NISCH: variants seen among roughly 807,000 people sequenced by gnomAD.
NISCH encodes nischarin, also known as I-1 receptor candidate protein.
In NISCH, 55 loss-of-function variants were observed where a neutral mutation model predicts 138.4. The ratio of observed to expected loss-of-function variants is 0.40; its 90% CI spans 0.32 to 0.50. The LOEUF (loss-of-function observed/expected upper bound fraction) is 0.50. Among genes scored for constraint, NISCH ranks in the 20% least tolerant of loss-of-function variants. NISCH has a pLI of 0.71. For missense variants in NISCH, 1,643 were observed against 2,005.5 expected (o/e 0.82, Z 3.45); for synonymous variants, 860 against 861.5 (o/e 1.00, Z 0.03).
At chr3:52,470,417 T>C (rs1193141001) in intron 3 of NISCH, 2 of 164,298 alleles carry the variant, frequency 1.2e-5, no homozygotes, top group African/African-American at 4.8e-5. Flanking sequence ...CAGGGAGGGT[T>C]AGCTCTGGGT....
chr3:52,461,996 C>T (rs1347184232), intron 3 of NISCH, among the ~76,000 whole-genome samples: 5 of 152,098 alleles, frequency 3.3e-5, no homozygotes, highest in Admixed American at 6.5e-5. Context: ...GAGGAGGTCT[C>T]GCTGGCTGCC....
At chr3:52,458,028 C>G in intron 2 of NISCH, 102 bp downstream of exon 2, 1 of 795,500 alleles carries the variant, frequency 1.3e-6, no homozygotes, top group Non-Finnish European at 2.2e-6. Context: ...CAGGTTCCAT[C>G]TCTATAGTTC....
chr3:52,477,042 G>GA (rs970753722), intron 8 of NISCH, among the ~76,000 whole-genome samples: 16 of 149,604 alleles, frequency 1.1e-4, no homozygotes, highest in South Asian at 2.1e-4. Context: ...CTCAAAAGAA[G>GA]AAAAAAAAAT....
chr3:52,469,541 G>A (rs1706881443), intron 3 of NISCH, among the ~76,000 whole-genome samples: 1 of 152,208 alleles, frequency 6.6e-6, no homozygotes, highest in African/African-American at 2.4e-5. Flanking sequence ...CCGAGGTGGG[G>A]GGATCTCTTG....
At position 52,492,063 on chromosome 3, in the gene NISCH, G is replaced by T. The variant is rs937754299; in HGVS notation, c.4096G>T (p.Gly1366Cys). Residue 1366 changes from glycine to cysteine, a missense_variant, in exon 21 of 21, where the codon GGC becomes TGC. Gly to Cys is a radical substitution (Grantham distance 159, BLOSUM62 -3). Transcript: ENST00000345716. The part of the protein sequence containing the change: ...VGMPPPGCCR[G>C]PLRPKTLLLT... The stretch of plus-strand genomic sequence containing the variant: ...CATGCCACCCCCTGGGTGCTGCAGG[G>T]GCCCCCTGCGCCCCAAGACACTCCT... The T allele has an allele frequency of 6.2e-7, 1 of 1,612,938 alleles. No individual in the cohort carries two copies. Among genetic ancestry groups the T allele is most frequent in the Non-Finnish European group, 8.5e-7 (1 of 1,179,978 alleles).
At chr3:52,486,965 GC>G (rs769636608) in intron 15 of NISCH, among the ~76,000 whole-genome samples, 11 of 152,228 alleles carry the variant, frequency 7.2e-5, no homozygotes, top group Non-Finnish European at 1.3e-4. Context: ...TATGGTCCAA[GC>G]CCCTAGAAGC....
In NISCH at chr3:52,489,605, G is replaced by C; in HGVS notation, c.3383G>C (p.Cys1128Ser). The C allele has an allele frequency of 6.2e-7, 1 of 1,613,116 alleles. No homozygotes were observed. Among genetic ancestry groups the C allele is most frequent in the South Asian group, 1.1e-5 (1 of 91,088 alleles). Residue 1128 changes from cysteine to serine, a missense_variant, in exon 17 of 21, where the codon TGC (cysteine) becomes TCC (serine). Physicochemically the swap from Cys to Ser is moderately radical, Grantham distance 112. Transcript: ENST00000345716. ...ENQIPSHLPACPSLRHVASLR... is the reference protein window; with the variant it reads ...ENQIPSHLPASPSLRHVASLR... Reference sequence around the variant, plus strand: ...CAGATCCCCTCGCACTTGCCTGCCTGCCCGTCGCTCCGGCACGTCGCCAGC... The same window carrying C: ...CAGATCCCCTCGCACTTGCCTGCCTCCCCGTCGCTCCGGCACGTCGCCAGC...
Position 52,488,417 on chromosome 3 carries a change from C to T in NISCH, c.2925C>T (p.Leu975=), listed in dbSNP as rs754771952. The change falls in exon 16 of 21, where the codon CTC becomes CTT. Residue 975 remains leucine (L), a synonymous_variant. Transcript: ENST00000345716. ...CTGATGGCCACGTGCTAGAGCTGCT[C>T]GTGGGGTACCGCTTTGTCACTGCCA... ...AFADGHVLEL[L]VGYRFVTAIF... is the part of the protein sequence containing the mutation. 1.4e-5 allele frequency: 23 copies of T among 1,613,692 alleles called. No individual in the cohort carries two copies. The highest frequency in any genetic ancestry group is 6.6e-5 in the South Asian group (6 of 91,086).
At position 52,479,742 on chromosome 3, in the gene NISCH, G is replaced by T. The variant is rs1276665420; in HGVS notation, c.1303-7G>T. 6.2e-7 allele frequency: 1 copy of T among 1,604,504 alleles called. No homozygotes were observed. Among genetic ancestry groups the T allele is most frequent in the East Asian group, 2.2e-5 (1 of 44,652 alleles). ...CCATGCTGATAGCCACTTTCTGGAT[G>T]CTCTAGGTCTGTCTGGATGACACAG... On this transcript the variant is annotated splice_polypyrimidine_tract_variant and splice_region_variant and intron_variant, in intron 11 of 20. Transcript: ENST00000345716.
At chr3:52,478,060 C>T (rs1285659482) in intron 9 of NISCH, 37 bp from the exon 10 acceptor site, 2 of 1,607,788 alleles carry the variant, frequency 1.2e-6, no homozygotes, top group Non-Finnish European at 1.7e-6. Flanking sequence ...GGAGACTTGA[C>T]CTGAGCCACT....
Position 52,481,798 on chromosome 3 carries a change from G to A in NISCH, c.1528+1503G>A, listed in dbSNP as rs370159605. On this transcript the variant is annotated intron_variant, in intron 13 of 20. Transcript: ENST00000345716. ...GCTCAGCCCCCTCCTCACTCCCCTT[G>A]TGCCCTGGGGACACTCTGCAGAGGG... The A allele has an allele frequency of 3.7e-5, 36 of 985,508 alleles. No individual in the cohort carries two copies. The Middle Eastern group carries it at 4.2e-3, about 114-fold the overall frequency. 61.0% of individuals were successfully genotyped at this position (985,508 alleles called of 1,614,324 possible). A position where few individuals can be genotyped will look rare whatever the true frequency, so the allele number is the denominator to read the frequency against.
chr3:52,476,213 C>T (rs1359012169), intron 7 of NISCH: 2 of 515,928 alleles, frequency 3.9e-6, no homozygotes, highest in South Asian at 2.3e-5. Flanking sequence ...AAGCATTGCT[C>T]CTAAAGCAGG....
intron 19 of NISCH, 26 bp downstream of exon 19, chr3:52,490,859 T>G: frequency 1.9e-6 from 3 of 1,612,828 alleles, no homozygotes; most frequent in Non-Finnish European, 2.5e-6. Context: ...TGCTTTGTCC[T>G]ATTTCGGGTG....
intron 13 of NISCH, chr3:52,480,650 G>A: frequency 7.0e-7 from 1 of 1,424,054 alleles, no homozygotes. Context: ...GTTGGCTCCT[G>A]GTTACAGGAA....
At chr3:52,481,837 T>G in intron 13 of NISCH, 18 of 985,532 alleles carry the variant, frequency 1.8e-5, no homozygotes, top group Non-Finnish European at 2.2e-5. Flanking sequence ...CTCTGCAGTC[T>G]GTCCCCGCCA....
chr3:52,463,739 T>C (rs568159669), intron 3 of NISCH, among the ~76,000 whole-genome samples: 755 of 72,950 alleles, frequency 0.01, 3 homozygotes, highest in South Asian at 0.029. Context: ...TTTTTTTTTT[T>C]CTGAGACAGA....
rs199545023 is a variant in NISCH, at chr3:52,476,525, G to A, written c.844G>A (p.Val282Ile). The change falls in exon 8 of 21, where the codon GTC becomes ATC. Residue 282 changes from valine to isoleucine, a missense_variant. Val to Ile is a conservative substitution (Grantham distance 29). Transcript: ENST00000345716. The stretch of plus-strand genomic sequence containing the variant: ...AACCCTAGAAGGCCCTGTGACTGCC[G>A]TCATCCCCACTTGGCAGGCATTGAC... ...GTTLEGPVTAVIPTWQALTTL... is the reference protein window; with the variant it reads ...GTTLEGPVTAIIPTWQALTTL... 81 of 1,614,048 alleles carry A rather than the reference G, an allele frequency of 5.0e-5. No homozygotes were observed. The highest frequency in any genetic ancestry group is 2.3e-4 in the Admixed American group (14 of 60,010).
Position 52,490,783 on chromosome 3 carries a change from A to G in NISCH, c.3692A>G (p.Asp1231Gly). ...CAGTGCTTCGTGCTAAAGCTTAGTG[A>G]CCTGCAGTCAGTCAATGTGGGGCTT... ...ISQCFVLKLSDLQSVNVGLFD... is the reference protein window; with the variant it reads ...ISQCFVLKLSGLQSVNVGLFD... Residue 1231 changes from aspartate to glycine, a missense_variant, in exon 19 of 21, where the codon GAC becomes GGC. Physicochemically the swap from Asp to Gly is moderately conservative, Grantham distance 94. Coordinates refer to ENST00000345716, the MANE Select transcript of NISCH (RefSeq NM_007184.4). 6.2e-7 allele frequency: 1 copy of G among 1,614,188 alleles called. No homozygotes were observed. Among genetic ancestry groups the G allele is most frequent in the Non-Finnish European group, 8.5e-7 (1 of 1,180,028 alleles).
At position 52,491,432 on chromosome 3, in the gene NISCH, G is replaced by A. The variant is rs770672394; in HGVS notation, c.3823G>A (p.Val1275Met). 5.6e-6 allele frequency: 9 copies of A among 1,613,328 alleles called. No individual in the cohort carries two copies. Among genetic ancestry groups the A allele is most frequent in the Middle Eastern group, 1.6e-4 (1 of 6,082 alleles). The change falls in exon 20 of 21, where the codon GTG becomes ATG. Residue 1275 changes from valine (V) to methionine (M), a missense_variant. Physicochemically the swap from Val to Met is conservative, Grantham distance 21. Coordinates refer to ENST00000345716, the MANE Select transcript of NISCH (RefSeq NM_007184.4). ...THCFLQHLMVVLSSLERTPSP... is the reference protein window; with the variant it reads ...THCFLQHLMVMLSSLERTPSP... ...CTGCTTCCTCCAGCACCTCATGGTC[G>A]TGCTGTCCTCTCTGGAACGCACGCC...
Sources: allele counts gnomAD v4.1 joint callset (sites outside exome capture counted in the v4.1 genomes callset), GRCh38; gene constraint gnomAD v4.1.1; transcripts MANE v1.5; gene names NCBI Gene and HGNC (gene_info 2026-07-23, HGNC 2026-07-21).